The following DPF3 variants were observed in gnomAD, a reference collection of about 807,000 sequenced individuals.
DPF3 encodes double PHD fingers 3, also known as zinc finger protein DPF3.
Under a neutral mutation model 56.8 loss-of-function variants are expected in DPF3, and 18 were observed. The observed-to-expected ratio is 0.32, with a 90% CI of 0.22 to 0.47. DPF3 has a LOEUF of 0.47. Ranked by LOEUF, DPF3 falls within the 20% of genes least tolerant of loss-of-function variation. The probability of loss-of-function intolerance (pLI) is 1.00; values close to 1 mark genes in which losing one functional copy is unlikely to be tolerated. For synonymous variants in DPF3, 188 were observed against 180.2 expected (o/e 1.04, Z -0.35); for missense variants, 403 against 488.8 (o/e 0.82, Z 1.65).
At chr14:72,877,668 G>A (rs776101426) in intron 1 of DPF3, among the ~76,000 whole-genome samples, 12 of 152,092 alleles carry the variant, frequency 7.9e-5, no homozygotes, top group Non-Finnish European at 1.2e-4. Context: ...ACACTCGCTG[G>A]GATCTTCAGC....
At chr14:72,727,979 T>C (rs138556583) in intron 4 of DPF3, among the ~76,000 whole-genome samples, 46 of 152,112 alleles carry the variant, frequency 3.0e-4, no homozygotes, top group African/African-American at 8.9e-4. Context: ...TCAGTTTACA[T>C]AGGAGATGAT....
intron 1 of DPF3, among the ~76,000 whole-genome samples, chr14:72,786,947 C>T (rs1892232205): frequency 2.0e-5 from 3 of 152,260 alleles, no homozygotes; most frequent in Admixed American, 1.3e-4. Flanking sequence ...TAGAGGCGCA[C>T]AGCCCTAATT....
chr14:72,854,976 G>T (rs1049191021), intron 1 of DPF3, among the ~76,000 whole-genome samples: 2 of 152,174 alleles, frequency 1.3e-5, no homozygotes, highest in African/African-American at 4.8e-5. Context: ...AGTAGGCTAA[G>T]AAAATCCTCA....
chr14:72,647,623 T>C (rs1396454880), intron 8 of DPF3, among the ~76,000 whole-genome samples: 1 of 152,236 alleles, frequency 6.6e-6, no homozygotes, highest in East Asian at 1.9e-4. Flanking sequence ...AGGAAAGATT[T>C]AGGATACATT....
At chr14:72,671,399 T>A in intron 8 of DPF3, 1 of 1,588,944 alleles carries the variant, frequency 6.3e-7, no homozygotes, top group African/African-American at 1.3e-5. Context: ...TTATTAATAT[T>A]CTCATTACAT....
At position 72,716,228 on chromosome 14, in the gene DPF3, G is replaced by A. The variant is rs534497859; in HGVS notation, c.526-1727C>T. 7.9e-5 allele frequency among the ~76,000 whole-genome samples: 12 copies of A among 152,222 alleles called. No homozygotes were observed. In the South Asian group the frequency reaches 2.3e-3, roughly 29 times the overall value. On this transcript the variant is annotated intron_variant, in intron 5 of 10. Coordinates refer to ENST00000556509, the MANE Select transcript of DPF3 (RefSeq NM_001280542.3). ...TCTGGGGGAGCTGCCAGCAGGAAAG[G>A]GAGGGTGCTGTGGGAGCCAGGTTTT...
intron 1 of DPF3, among the ~76,000 whole-genome samples, chr14:72,879,251 T>C (rs896815742): frequency 6.6e-6 from 1 of 151,884 alleles, no homozygotes; most frequent in African/African-American, 2.4e-5. Context: ...GGTATGGTGG[T>C]GTGCACCTAT....
At chr14:72,695,433 G>C (rs1175554976) in intron 6 of DPF3, among the ~76,000 whole-genome samples, 1 of 152,188 alleles carries the variant, frequency 6.6e-6, no homozygotes, top group African/African-American at 2.4e-5. Flanking sequence ...GTTAAGGTAA[G>C]ATGAGAGTCT....
At chr14:72,836,644 T>C (rs765207513) in intron 1 of DPF3, among the ~76,000 whole-genome samples, 11 of 152,118 alleles carry the variant, frequency 7.2e-5, no homozygotes, top group South Asian at 2.1e-4. Flanking sequence ...TAGGAGCCCA[T>C]TGGGAGCTCC....
At chr14:72,892,942 TGGAAGGAA>T (rs61598180) in intron 1 of DPF3, among the ~76,000 whole-genome samples, 14,932 of 132,456 alleles carry the variant, frequency 0.11, 2,234 homozygotes, top group Non-Finnish European at 0.14. Flanking sequence ...TTCCACTGAC[TGGAAGGAA>T]GGAAGGAAGG....
intron 2 of DPF3, among the ~76,000 whole-genome samples, chr14:72,766,029 G>A (rs1891272867): frequency 6.6e-6 from 1 of 152,184 alleles, no homozygotes; most frequent in South Asian, 2.1e-4. Context: ...AGGAAGGATA[G>A]ATTTCTAAAC....
At chr14:72,694,620 T>A (rs957250663) in intron 6 of DPF3, among the ~76,000 whole-genome samples, 2 of 152,222 alleles carry the variant, frequency 1.3e-5, no homozygotes, top group African/African-American at 4.8e-5. Context: ...GCCAAAATAA[T>A]GTCACCTCTT....
At chr14:72,737,205 AC>A (rs369643561) in intron 3 of DPF3, among the ~76,000 whole-genome samples, 27 of 148,956 alleles carry the variant, frequency 1.8e-4, no homozygotes, top group Middle Eastern at 3.5e-3. Flanking sequence ...AAACAAACAA[AC>A]AAACAAAAAA....
rs565521974 is a variant in DPF3, at chr14:72,820,451, A to C, written c.33-48558T>G. Among the ~76,000 whole-genome samples, 28 of 152,286 alleles carry C rather than the reference A, an allele frequency of 1.8e-4. No homozygotes were observed. In the South Asian group the frequency reaches 4.8e-3, roughly 26 times the overall value. ...TTTTTTGTTTTTGTTTTTTGCTTTGATGATAATTTTTGTTTTGTTTTTACT... is the reference window on the plus strand; with the variant it reads ...TTTTTTGTTTTTGTTTTTTGCTTTGCTGATAATTTTTGTTTTGTTTTTACT... On this transcript the variant is annotated intron_variant, in intron 1 of 10. Coordinates refer to ENST00000556509, the MANE Select transcript of DPF3 (RefSeq NM_001280542.3).
At chr14:72,846,257 C>T (rs1031173193) in intron 1 of DPF3, among the ~76,000 whole-genome samples, 12 of 150,458 alleles carry the variant, frequency 8.0e-5, no homozygotes, top group Non-Finnish European at 1.6e-4. Context: ...ATTACAGGCA[C>T]GTGCCACCAC....
intron 8 of DPF3, among the ~76,000 whole-genome samples, chr14:72,672,009 T>C (rs2153570458): frequency 6.6e-6 from 1 of 150,894 alleles, no homozygotes; most frequent in South Asian, 2.1e-4. Context: ...TGCATCCACA[T>C]ACATGTGCAC....
chr14:72,699,517 C>CAAA (rs35540991), intron 6 of DPF3, among the ~76,000 whole-genome samples: 5 of 61,576 alleles, frequency 8.1e-5, no homozygotes, highest in South Asian at 5.6e-4. Context: ...GATTCTGTCT[C>CAAA]AAAAAAAAAA....
chr14:72,756,898 A>AGAAGAAAAAAAG (rs1193338942), intron 2 of DPF3, among the ~76,000 whole-genome samples: 1 of 42,822 alleles, frequency 2.3e-5, no homozygotes, highest in Admixed American at 1.9e-4. Flanking sequence ...AGAAAGAAAG[A>AGAAGAAAAAAAG]AAAGAAAAAA....
intron 1 of DPF3, among the ~76,000 whole-genome samples, chr14:72,810,584 C>T (rs924691366): frequency 1.4e-5 from 2 of 141,194 alleles, no homozygotes; most frequent in East Asian, 2.1e-4. Flanking sequence ...GACTCTACTT[C>T]ACAGGAACTA....
Sources: gnomAD v4.1 joint callset for allele counts (sites outside exome capture counted in the v4.1 genomes callset) on GRCh38, gnomAD v4.1.1 for gene constraint, MANE v1.5 for transcripts, NCBI Gene and HGNC (gene_info 2026-07-23, HGNC 2026-07-21) for gene names.